TAF1B: variants seen among roughly 807,000 people sequenced by gnomAD.
TAF1B encodes the protein TATA box-binding protein-associated factor RNA polymerase I subunit B.
Under a neutral mutation model 83.9 loss-of-function variants are expected in TAF1B, and 61 were observed. The ratio of observed to expected loss-of-function variants is 0.73; its 90% confidence interval spans 0.59 to 0.90. The LOEUF (loss-of-function observed/expected upper bound fraction) is 0.90, where lower values mean the gene tolerates loss of function less well. TAF1B is among the 40% of genes least tolerant of loss of function. TAF1B has a pLI of 0.00. For synonymous variants in TAF1B, 221 were observed against 224.6 expected, an observed-to-expected ratio of 0.98 and a Z score of 0.14; for missense variants, 625 against 677.0, an observed-to-expected ratio of 0.92 and a Z score of 0.85.
chr2:9,862,049 A>G (rs1663787979), intron 5 of TAF1B, among the ~76,000 whole-genome samples: 1 of 151,816 alleles, frequency 6.6e-6, no homozygotes, highest in African/African-American at 2.4e-5. Context: ...CTCTCCTCCA[A>G]AGGAACGCAG....
intron 9 of TAF1B, among the ~76,000 whole-genome samples, chr2:9,906,304 GT>G (rs1422852147): frequency 6.6e-6 from 1 of 152,144 alleles, no homozygotes; most frequent in East Asian, 1.9e-4. Context: ...AACATTTCCT[GT>G]GCGTAAGGAG....
intron 8 of TAF1B, among the ~76,000 whole-genome samples, chr2:9,884,562 C>G (rs1664613117): frequency 6.6e-6 from 1 of 152,206 alleles, no homozygotes; most frequent in Non-Finnish European, 1.5e-5. Context: ...GCCAGGGTAT[C>G]CTGATGAGCG....
chr2:9,893,127 A>G (rs1443609432), intron 8 of TAF1B, among the ~76,000 whole-genome samples: 6 of 152,230 alleles, frequency 3.9e-5, no homozygotes, highest in Non-Finnish European at 8.8e-5. Context: ...AGATTTATAG[A>G]AAAGTTGCAA....
rs866315029 is a variant in TAF1B, at chr2:9,882,225, C to T, written c.708-481C>T. On this transcript the variant is annotated intron_variant, in intron 7 of 14. Transcript: ENST00000263663. ...AAGCGATTCTTCTGCCTTAGCCTCC[C>T]GAGTAACTGGGACTACAGGCCAAGC... Among the ~76,000 whole-genome samples the T allele has an allele frequency of 6.6e-5, 10 of 152,170 alleles. No homozygotes were observed. In the South Asian group the frequency reaches 1.0e-3, roughly 16 times the overall value.
chr2:9,909,270 C>T (rs1259600861), intron 9 of TAF1B, among the ~76,000 whole-genome samples: 2 of 152,094 alleles, frequency 1.3e-5, no homozygotes, highest in African/African-American at 4.8e-5. Context: ...AAAGATAAAC[C>T]CTTAACTGTG....
intron 5 of TAF1B, among the ~76,000 whole-genome samples, chr2:9,866,056 C>G (rs1353596887): frequency 5.3e-5 from 8 of 151,506 alleles, no homozygotes; most frequent in Admixed American, 5.3e-4. Flanking sequence ...ACACCAAAAG[C>G]AATGGCAACA....
intron 8 of TAF1B, among the ~76,000 whole-genome samples, chr2:9,888,693 CT>C (rs1664752551): frequency 6.7e-6 from 1 of 148,868 alleles, no homozygotes; most frequent in South Asian, 2.1e-4. Flanking sequence ...GCCTTTTTTC[CT>C]TTAGCTGCTT....
chr2:9,848,964 G>A (rs1449283828), intron 2 of TAF1B, among the ~76,000 whole-genome samples: 1 of 152,114 alleles, frequency 6.6e-6, no homozygotes, highest in Non-Finnish European at 1.5e-5. Flanking sequence ...GGAAAAGTAG[G>A]CCAAAACTAA....
At chr2:9,845,418 T>C (rs1663173745) in intron 2 of TAF1B, 100 bp downstream of exon 2, 2 of 917,280 alleles carry the variant, frequency 2.2e-6, no homozygotes, top group Non-Finnish European at 3.4e-6. Flanking sequence ...TTGATTTTTG[T>C]CACTCATGCA....
At chr2:9,902,691 G>A (rs556751118) in intron 8 of TAF1B, among the ~76,000 whole-genome samples, 1 of 152,298 alleles carries the variant, frequency 6.6e-6, no homozygotes, top group East Asian at 1.9e-4. Context: ...CACAAATAGT[G>A]TTGTTATGAA....
chr2:9,874,727 G>A (rs1262330668), intron 6 of TAF1B, among the ~76,000 whole-genome samples: 2 of 152,200 alleles, frequency 1.3e-5, no homozygotes, highest in African/African-American at 4.8e-5. Flanking sequence ...GTGAATGAAT[G>A]AAGATACCAT....
Position 9,876,030 on chromosome 2 carries a change from C to T in TAF1B, c.707+12C>T, listed in dbSNP as rs1015497290. The T allele has an allele frequency of 3.2e-6, 5 of 1,584,208 alleles. No individual in the cohort carries two copies. In the African/African-American group the frequency reaches 5.4e-5, roughly 17 times the overall value. ...TCAGATCTTTTGAGGTTAGCTAGAC[C>T]TCTTGTATGATAATATTTTTGCTGG... is the stretch of plus-strand genomic sequence containing the variant. On this transcript the variant is annotated intron_variant, in intron 7 of 14. Coordinates refer to ENST00000263663, the MANE Select transcript of TAF1B (RefSeq NM_005680.3).
chr2:9,919,812 C>T lies in TAF1B; in HGVS notation c.1557C>T (p.Phe519=). The T allele has an allele frequency of 6.2e-7, 1 of 1,613,428 alleles. No homozygotes were observed. The highest frequency in any genetic ancestry group is 8.5e-7 in the Non-Finnish European group (1 of 1,179,560). The part of the protein sequence containing the change: ...NSLYWLSTQK[F]CRCYCTHVTT... ...TATATTGGCTTAGTACACAGAAATT[C>T]TGCAGATGGTAATAATGCTTTTAGA... Residue 519 remains phenylalanine (F), a synonymous_variant, in exon 14 of 15, where the codon TTC becomes TTT. Coordinates refer to ENST00000263663, the MANE Select transcript of TAF1B (RefSeq NM_005680.3).
In TAF1B at chr2:9,933,969, A is replaced by G; in HGVS notation, c.1752A>G (p.Lys584=). The G allele has an allele frequency of 1.3e-6, 2 of 1,598,728 alleles. No individual in the cohort carries two copies. The highest frequency in any genetic ancestry group is 1.7e-6 in the Non-Finnish European group (2 of 1,174,536). ...SVKRKKSRSK[K]VRRH is the part of the protein sequence containing the mutation. ...AAAGAAAGAAATCAAGATCCAAGAA[A>G]GTGAGACGACATTGAGAAAATGAAA... The change falls in exon 15 of 15, where the codon AAA becomes AAG. Residue 584 remains lysine, a synonymous_variant. Transcript: ENST00000263663.
At chr2:9,885,439 T>C (rs1436550698) in intron 8 of TAF1B, among the ~76,000 whole-genome samples, 1 of 152,214 alleles carries the variant, frequency 6.6e-6, no homozygotes, top group Non-Finnish European at 1.5e-5. Flanking sequence ...ATGTAGTTAA[T>C]TCATGGTTTA....
chr2:9,877,853 C>G (rs1664370377), intron 7 of TAF1B, among the ~76,000 whole-genome samples: 1 of 152,012 alleles, frequency 6.6e-6, no homozygotes, highest in Non-Finnish European at 1.5e-5. Flanking sequence ...TCTCCTCTCT[C>G]TCTCTTTCCC....
At chr2:9,904,209 T>C (rs1665275026) in intron 8 of TAF1B, among the ~76,000 whole-genome samples, 1 of 152,134 alleles carries the variant, frequency 6.6e-6, no homozygotes, top group Non-Finnish European at 1.5e-5. Flanking sequence ...GTGTACAGAT[T>C]ATCTTGTCAC....
At chr2:9,923,439 GAGGCCA>G (rs1665938714) in intron 14 of TAF1B, among the ~76,000 whole-genome samples, 1 of 152,054 alleles carries the variant, frequency 6.6e-6, no homozygotes, top group Non-Finnish European at 1.5e-5. Context: ...AGCACTTTGG[GAGGCCA>G]AGGCGGGCAG....
rs936068223 is a variant in TAF1B at position 9,869,003 on chromosome 2, T to A, written c.553+574T>A. The stretch of plus-strand genomic sequence containing the variant: ...GTGACACAGATATCAAATAAGTTAC[T>A]TTTGGTGTAAAGTGTTAGGATCATT... On this transcript the variant is annotated intron_variant, in intron 6 of 14. Transcript: ENST00000263663. Among the ~76,000 whole-genome samples the A allele has an allele frequency of 2.0e-5, 3 of 152,210 alleles. No individual in the cohort carries two copies. In the South Asian group the frequency reaches 6.2e-4, roughly 31 times the overall value.
Sources: allele counts gnomAD v4.1 joint callset (sites outside exome capture counted in the v4.1 genomes callset), GRCh38; gene constraint gnomAD v4.1.1; transcripts MANE v1.5; gene names NCBI Gene and HGNC (gene_info 2026-07-23, HGNC 2026-07-21).